Variants in RPH3A observed in about 807,000 individuals in gnomAD.
RPH3A encodes the protein rabphilin 3A.
RPH3A carries 48 observed loss-of-function variants against 102.2 expected under a neutral mutation model. That is an observed-to-expected ratio of 0.47 (90% CI 0.37 to 0.60). The LOEUF (loss-of-function observed/expected upper bound fraction) is 0.60, where lower values mean the gene tolerates loss of function less well. Ranked by LOEUF, RPH3A falls within the 20% of genes least tolerant of loss-of-function variation. The pLI, the probability that RPH3A is intolerant of heterozygous loss-of-function variation, is 0.00. For missense variants in RPH3A, 781 were observed against 910.1 expected (o/e 0.86, Z 1.83); for synonymous variants, 310 against 324.3 (o/e 0.96, Z 0.47).
chr12:112,671,874 C>T (rs907852703), intron 1 of RPH3A, among the ~76,000 whole-genome samples: 1 of 151,506 alleles, frequency 6.6e-6, no homozygotes, highest in East Asian at 1.9e-4. Flanking sequence ...TCTATCTACA[C>T]ACACACACAC....
intron 2 of RPH3A, among the ~76,000 whole-genome samples, chr12:112,822,859 G>A (rs950945578): frequency 6.6e-6 from 1 of 152,206 alleles, no homozygotes; most frequent in Non-Finnish European, 1.5e-5. Flanking sequence ...GTAAGCCCTT[G>A]ATATTTGAAC....
intron 1 of RPH3A, among the ~76,000 whole-genome samples, chr12:112,631,294 G>C (rs1366627979): frequency 2.0e-5 from 3 of 152,036 alleles, no homozygotes; most frequent in Non-Finnish European, 2.9e-5. Flanking sequence ...TGGAGGCAGG[G>C]CTCGTCTTGC....
At chr12:112,618,784 C>T (rs2039700027) in intron 1 of RPH3A, among the ~76,000 whole-genome samples, 1 of 152,208 alleles carries the variant, frequency 6.6e-6, no homozygotes, top group South Asian at 2.1e-4. Flanking sequence ...GGTTGTATGA[C>T]TATCTCCACA....
At chr12:112,803,183 T>C (rs1226775649) in intron 2 of RPH3A, among the ~76,000 whole-genome samples, 3 of 152,152 alleles carry the variant, frequency 2.0e-5, no homozygotes, top group African/African-American at 7.2e-5. Flanking sequence ...AGCAGGGTGG[T>C]CTCTGATGCC....
intron 5 of RPH3A, among the ~76,000 whole-genome samples, chr12:112,861,516 C>T (rs73203206): frequency 2.6e-5 from 4 of 152,262 alleles, no homozygotes; most frequent in Non-Finnish European, 4.4e-5. Context: ...GTACATGGCA[C>T]GTGGCTGTGT....
intron 1 of RPH3A, among the ~76,000 whole-genome samples, chr12:112,645,693 A>G (rs2039924136): frequency 6.6e-6 from 1 of 152,184 alleles, no homozygotes; most frequent in African/African-American, 2.4e-5. Flanking sequence ...TTTGGATTTC[A>G]TAGGATGTCT....
intron 1 of RPH3A, among the ~76,000 whole-genome samples, chr12:112,771,692 T>C (rs1443262477): frequency 6.6e-6 from 1 of 152,238 alleles, no homozygotes; most frequent in East Asian, 1.9e-4. Flanking sequence ...GTATCCAAGA[T>C]GGCTCACTTC....
In RPH3A at chr12:112,870,947, A is replaced by G. The variant is rs140276330; in HGVS notation, c.796+908A>G. Among the ~76,000 whole-genome samples the G allele has an allele frequency of 4.1e-4, 63 of 152,294 alleles. 1 individual carries two copies. The East Asian group carries it at 0.012, about 29-fold the overall frequency. On this transcript the variant is annotated intron_variant, in intron 10 of 21. Transcript: ENST00000389385. ...CAAGTTCTTTTACATACATTATCTCATTTAATGTTTGCCACAACTCCAAAA... is the reference window on the plus strand; with the variant it reads ...CAAGTTCTTTTACATACATTATCTCGTTTAATGTTTGCCACAACTCCAAAA...
intron 1 of RPH3A, among the ~76,000 whole-genome samples, chr12:112,766,820 T>C (rs531696704): frequency 1.3e-5 from 2 of 152,338 alleles, no homozygotes; most frequent in Middle Eastern, 3.4e-3. Flanking sequence ...CTCCTCCCTA[T>C]GGAGCAGCAT....
intron 1 of RPH3A, among the ~76,000 whole-genome samples, chr12:112,669,669 G>A (rs2040113354): frequency 1.3e-5 from 2 of 152,130 alleles, no homozygotes; most frequent in Non-Finnish European, 2.9e-5. Flanking sequence ...ATTTTCTAGA[G>A]CATACACACA....
At chr12:112,756,500 A>G (rs757227614) in intron 1 of RPH3A, among the ~76,000 whole-genome samples, 6 of 152,162 alleles carry the variant, frequency 3.9e-5, no homozygotes, top group Non-Finnish European at 8.8e-5. Context: ...GCATGAGCCC[A>G]CACTTTTTAA....
chr12:112,797,816 C>T (rs1179495127), intron 2 of RPH3A, among the ~76,000 whole-genome samples: 2 of 151,984 alleles, frequency 1.3e-5, no homozygotes, highest in Non-Finnish European at 2.9e-5. Context: ...TCTCAGCCTG[C>T]CAAGTAGCTG....
intron 1 of RPH3A, among the ~76,000 whole-genome samples, chr12:112,677,433 CCT>C (rs2136013633): frequency 9.0e-6 from 1 of 110,834 alleles, no homozygotes; most frequent in Admixed American, 9.5e-5. Context: ...TTCCTTCCTT[CCT>C]TCCTTCCTTC....
chr12:112,734,795 G>A (rs2040657086), intron 1 of RPH3A, among the ~76,000 whole-genome samples: 1 of 152,160 alleles, frequency 6.6e-6, no homozygotes, highest in African/African-American at 2.4e-5. Flanking sequence ...TGACACTGGT[G>A]GGAGTGTCTC....
At chr12:112,700,555 C>A (rs888434029) in intron 1 of RPH3A, among the ~76,000 whole-genome samples, 1 of 152,170 alleles carries the variant, frequency 6.6e-6, no homozygotes, top group Non-Finnish European at 1.5e-5. Context: ...TTGGTTTCTG[C>A]CCCTATCCCT....
At chr12:112,647,457 T>A (rs953306161) in intron 1 of RPH3A, among the ~76,000 whole-genome samples, 2 of 152,226 alleles carry the variant, frequency 1.3e-5, no homozygotes, top group Non-Finnish European at 2.9e-5. Context: ...TTATTCTTGA[T>A]GCTGGAGACA....
Position 112,712,910 on chromosome 12 carries a change from T to C in RPH3A, c.-139-79233T>C, listed in dbSNP as rs528730116. Among the ~76,000 whole-genome samples the C allele has an allele frequency of 2.1e-3, 230 of 110,458 alleles. 2 individuals carry two copies. Among genetic ancestry groups the C allele is most frequent in the African/African-American group, 8.1e-3 (216 of 26,504 alleles). 72.5% of individuals were successfully genotyped at this position (110,458 alleles called of 152,430 possible). A position where few individuals can be genotyped will look rare whatever the true frequency, so the allele number is the denominator to read the frequency against. Reference sequence around the variant, plus strand: ...CTTCTTCTTCTTCTTCTTCCTCTTCTTCTTCTTCTTCTTCCTCTTCTTCTT... The same window carrying C: ...CTTCTTCTTCTTCTTCTTCCTCTTCCTCTTCTTCTTCTTCCTCTTCTTCTT... On this transcript the variant is annotated intron_variant, in intron 1 of 21. Coordinates refer to the RPH3A transcript ENST00000543106.
intron 1 of RPH3A, among the ~76,000 whole-genome samples, chr12:112,624,275 GT>G (rs2039755699): frequency 1.3e-5 from 2 of 151,324 alleles, no homozygotes; most frequent in African/African-American, 4.9e-5. Flanking sequence ...CCAGGAGCTA[GT>G]TTTTTGAAAG....
intron 1 of RPH3A, among the ~76,000 whole-genome samples, chr12:112,584,041 T>C (rs1293968837): frequency 6.6e-6 from 1 of 152,160 alleles, no homozygotes; most frequent in Non-Finnish European, 1.5e-5. Context: ...CTTTATGGAC[T>C]CTGAGACTCT....
Sources: gnomAD v4.1 joint callset for allele counts (sites outside exome capture counted in the v4.1 genomes callset) on GRCh38, gnomAD v4.1.1 for gene constraint, MANE v1.5 for transcripts, NCBI Gene and HGNC (gene_info 2026-07-23, HGNC 2026-07-21) for gene names.